NTNG1: variants seen among roughly 807,000 people sequenced by gnomAD.
NTNG1 encodes netrin G1, also known as netrin-G1.
Under a neutral mutation model 54.0 loss-of-function variants are expected in NTNG1, and 16 were observed. The ratio of observed to expected loss-of-function variants is 0.30; its 90% CI spans 0.20 to 0.45. The LOEUF is 0.45. Among genes scored for constraint, NTNG1 ranks in the 20% least tolerant of loss-of-function variants. The pLI, the probability that NTNG1 is intolerant of heterozygous loss-of-function variation, is 1.00. For missense variants in NTNG1, 530 were observed against 678.7 expected (o/e 0.78, Z 2.43); for synonymous variants, 255 against 263.1 (o/e 0.97, Z 0.30).
intron 2 of NTNG1, among the ~76,000 whole-genome samples, chr1:107,215,310 A>G (rs946167585): frequency 6.6e-6 from 1 of 152,172 alleles, no homozygotes; most frequent in Non-Finnish European, 1.5e-5. Context: ...TGATTTTTAT[A>G]TAAGGTGAGA....
chr1:107,312,350 T>C (rs1034274128), intron 2 of NTNG1, among the ~76,000 whole-genome samples: 1 of 151,766 alleles, frequency 6.6e-6, no homozygotes, highest in Non-Finnish European at 1.5e-5. Flanking sequence ...GGTGGGGGAG[T>C]AGGTTTAATG....
At chr1:107,164,939 T>G (rs940526846) in intron 2 of NTNG1, among the ~76,000 whole-genome samples, 1 of 152,160 alleles carries the variant, frequency 6.6e-6, no homozygotes, top group Non-Finnish European at 1.5e-5. Context: ...GTGGTTCCCC[T>G]GTTGGCTAGG....
chr1:107,358,994 A>G (rs1670105266), intron 3 of NTNG1, among the ~76,000 whole-genome samples: 2 of 152,230 alleles, frequency 1.3e-5, no homozygotes, highest in Non-Finnish European at 2.9e-5. Context: ...ATAAAGTTCT[A>G]TTGAAAATGC....
chr1:107,358,581 G>A (rs1185930812), intron 3 of NTNG1, among the ~76,000 whole-genome samples: 1 of 151,784 alleles, frequency 6.6e-6, no homozygotes, highest in Non-Finnish European at 1.5e-5. Context: ...ACCTATGGGG[G>A]AGAAAAGCCT....
intron 2 of NTNG1, 91 bp from the exon 3 acceptor site, chr1:107,324,191 C>G: frequency 1.7e-6 from 2 of 1,192,288 alleles, no homozygotes; most frequent in Non-Finnish European, 2.4e-6. Context: ...TTTTTTTTTC[C>G]TTTTCTAGCC....
chr1:107,330,511 A>G (rs973633146), intron 3 of NTNG1, among the ~76,000 whole-genome samples: 1 of 152,176 alleles, frequency 6.6e-6, no homozygotes, highest in South Asian at 2.1e-4. Flanking sequence ...TTACAAAGTC[A>G]GTAGGACTTG....
chr1:107,203,421 T>C (rs552442058), intron 2 of NTNG1, among the ~76,000 whole-genome samples: 25 of 151,948 alleles, frequency 1.6e-4, no homozygotes, highest in African/African-American at 6.0e-4. Context: ...TTCTATTGTT[T>C]CCTAGTCATA....
At chr1:107,310,093 A>G (rs191744629) in intron 2 of NTNG1, among the ~76,000 whole-genome samples, 19 of 152,302 alleles carry the variant, frequency 1.2e-4, no homozygotes, top group Admixed American at 9.8e-4. Context: ...ATGGTCATTG[A>G]TTCCTTCTCC....
At chr1:107,226,004 A>G (rs187965371) in intron 2 of NTNG1, among the ~76,000 whole-genome samples, 9 of 152,258 alleles carry the variant, frequency 5.9e-5, no homozygotes, top group African/African-American at 2.2e-4. Flanking sequence ...CATTAATGCT[A>G]TGAGATAGGC....
chr1:107,241,353 ACCT>A (rs1490171660), intron 2 of NTNG1, among the ~76,000 whole-genome samples: 3 of 152,044 alleles, frequency 2.0e-5, no homozygotes, highest in Non-Finnish European at 2.9e-5. Context: ...TGGACAGGAG[ACCT>A]CCTGGAACAG....
intron 3 of NTNG1, among the ~76,000 whole-genome samples, chr1:107,377,330 C>T (rs1005499332): frequency 6.6e-6 from 1 of 152,176 alleles, no homozygotes; most frequent in African/African-American, 2.4e-5. Flanking sequence ...CTCCCCACTG[C>T]CTGGCTCCAG....
At chr1:107,365,279 A>G (rs1166486772) in intron 3 of NTNG1, among the ~76,000 whole-genome samples, 1 of 152,178 alleles carries the variant, frequency 6.6e-6, no homozygotes, top group Admixed American at 6.5e-5. Context: ...TTTTCACACC[A>G]TAACTCCATA....
chr1:107,337,808 G>A (rs187926162), intron 3 of NTNG1, among the ~76,000 whole-genome samples: 59 of 152,054 alleles, frequency 3.9e-4, no homozygotes, highest in African/African-American at 1.2e-3. Context: ...AACAGGTTTC[G>A]AAGTTTGTAC....
chr1:107,273,703 G>A (rs927763933), intron 2 of NTNG1, among the ~76,000 whole-genome samples: 1 of 152,098 alleles, frequency 6.6e-6, no homozygotes, highest in African/African-American at 2.4e-5. Flanking sequence ...TCCTTATAAT[G>A]ATGTTATTTT....
At chr1:107,165,510 C>T (rs911799081) in intron 2 of NTNG1, among the ~76,000 whole-genome samples, 31 of 152,156 alleles carry the variant, frequency 2.0e-4, no homozygotes, top group Admixed American at 1.1e-3. Flanking sequence ...CTTAACAATG[C>T]ACTCACCATT....
chr1:107,180,450 A>T (rs1030103808), intron 2 of NTNG1, among the ~76,000 whole-genome samples: 2 of 152,188 alleles, frequency 1.3e-5, no homozygotes, highest in Non-Finnish European at 2.9e-5. Context: ...TAAGTGAAAT[A>T]AAAGTTTCAC....
At chr1:107,314,003 AT>A (rs1667180863) in intron 2 of NTNG1, among the ~76,000 whole-genome samples, 1 of 152,122 alleles carries the variant, frequency 6.6e-6, no homozygotes, top group South Asian at 2.1e-4. Context: ...TGAAAAGTTT[AT>A]TTTCTCCCAA....
At chr1:107,444,758 T>C (rs923908973) in intron 7 of NTNG1, among the ~76,000 whole-genome samples, 6 of 152,104 alleles carry the variant, frequency 3.9e-5, no homozygotes, top group Non-Finnish European at 5.9e-5. Context: ...CTGGTGCTCA[T>C]GGAAAAATGC....
At chr1:107,261,051 G>A (rs886587434) in intron 2 of NTNG1, 2 of 152,162 alleles carry the variant, frequency 1.3e-5, no homozygotes, top group Admixed American at 6.5e-5. Context: ...AGTTATGATG[G>A]ATCAGAGCCC....
Sources: allele counts gnomAD v4.1 joint callset (sites outside exome capture counted in the v4.1 genomes callset), GRCh38; gene constraint gnomAD v4.1.1; transcripts MANE v1.5; gene names NCBI Gene and HGNC (gene_info 2026-07-23, HGNC 2026-07-21).